Variants in UST observed in about 807,000 individuals in gnomAD.
UST encodes chondroitin sulfate 2-O-sulfotransferase.
UST carries 21 observed loss-of-function variants against 45.6 expected under a neutral mutation model. That is an observed-to-expected ratio of 0.46 (90% CI 0.33 to 0.66). UST has a LOEUF of 0.66. Among genes scored for constraint, UST ranks in the 30% least tolerant of loss-of-function variants. UST has a pLI of 0.02. For missense variants in UST, 463 were observed against 512.4 expected (o/e 0.90, Z 0.93); for synonymous variants, 215 against 200.6 (o/e 1.07, Z -0.61).
intron 1 of UST, among the ~76,000 whole-genome samples, chr6:148,776,883 T>G (rs1776545035): frequency 6.6e-6 from 1 of 152,192 alleles, no homozygotes; most frequent in Admixed American, 6.5e-5. Flanking sequence ...TACCTGGCCT[T>G]GGTCTGTCCT....
intron 1 of UST, among the ~76,000 whole-genome samples, chr6:148,755,346 ATT>A (rs1466931197): frequency 6.6e-6 from 1 of 152,204 alleles, no homozygotes; most frequent in East Asian, 1.9e-4. Context: ...AAGAAGAAAT[ATT>A]GTTTTTACAA....
chr6:148,824,831 C>T (rs1777538934), intron 1 of UST, among the ~76,000 whole-genome samples: 1 of 117,824 alleles, frequency 8.5e-6, no homozygotes. Context: ...CCTCCCCCCT[C>T]CCCCGACCCC....
intron 1 of UST, among the ~76,000 whole-genome samples, chr6:148,816,408 G>T (rs1777356119): frequency 6.6e-6 from 1 of 152,170 alleles, no homozygotes; most frequent in Non-Finnish European, 1.5e-5. Context: ...GTTTGGGGAA[G>T]AATAATTAAA....
intron 5 of UST, among the ~76,000 whole-genome samples, chr6:148,995,407 C>T (rs549160052): frequency 6.6e-6 from 1 of 152,346 alleles, no homozygotes; most frequent in South Asian, 2.1e-4. Flanking sequence ...GCAGCTAGCA[C>T]AGAAGCAAGA....
At chr6:148,824,757 C>T (rs1313344003) in intron 1 of UST, among the ~76,000 whole-genome samples, 4 of 143,560 alleles carry the variant, frequency 2.8e-5, no homozygotes, top group African/African-American at 1.0e-4. Flanking sequence ...TATACATGTG[C>T]CATGCTGGTG....
chr6:148,821,664 G>A (rs1011663024), intron 1 of UST, among the ~76,000 whole-genome samples: 7 of 152,100 alleles, frequency 4.6e-5, no homozygotes, highest in African/African-American at 1.2e-4. Flanking sequence ...GATGATTCTC[G>A]TCAGAATCAA....
At chr6:148,826,114 T>C (rs1327555098) in intron 1 of UST, among the ~76,000 whole-genome samples, 1 of 152,190 alleles carries the variant, frequency 6.6e-6, no homozygotes. Context: ...AAGAGCATCC[T>C]GTTTTGTTTT....
intron 1 of UST, among the ~76,000 whole-genome samples, chr6:148,757,114 C>T (rs185399587): frequency 6.6e-6 from 1 of 152,342 alleles, no homozygotes; most frequent in Admixed American, 6.5e-5. Flanking sequence ...CCTCCCACCT[C>T]AGCTTCTTGA....
At chr6:148,907,846 A>G (rs1300589910) in intron 2 of UST, among the ~76,000 whole-genome samples, 1 of 145,870 alleles carries the variant, frequency 6.9e-6, no homozygotes, top group African/African-American at 2.5e-5. Flanking sequence ...GCTAATTTTT[A>G]TAGATATTAT....
At chr6:149,048,976 GC>G (rs2115035312) in intron 7 of UST, among the ~76,000 whole-genome samples, 1 of 152,286 alleles carries the variant, frequency 6.6e-6, no homozygotes, top group South Asian at 2.1e-4. Context: ...CATCTTAAAA[GC>G]CTTCAAAATG....
chr6:148,902,127 A>G (rs1193919005), intron 2 of UST, among the ~76,000 whole-genome samples: 3 of 152,168 alleles, frequency 2.0e-5, no homozygotes, highest in African/African-American at 7.2e-5. Context: ...CTAAAATTGT[A>G]TAATTCTGTG....
At chr6:148,785,012 C>T (rs150544220) in intron 1 of UST, among the ~76,000 whole-genome samples, 377 of 152,266 alleles carry the variant, frequency 2.5e-3, no homozygotes, top group South Asian at 5.6e-3. Context: ...GAGTTGCAAC[C>T]AGTCTGGGCA....
chr6:148,999,363 A>G (rs1464838690), intron 5 of UST, among the ~76,000 whole-genome samples: 1 of 152,242 alleles, frequency 6.6e-6, no homozygotes. Context: ...TAGAACACCT[A>G]TCTGGCACTG....
chr6:148,884,190 A>G (rs1322634660), intron 1 of UST, among the ~76,000 whole-genome samples: 2 of 151,974 alleles, frequency 1.3e-5, no homozygotes, highest in African/African-American at 4.8e-5. Context: ...GGGCTAATGT[A>G]CTAGTAATAG....
intron 7 of UST, among the ~76,000 whole-genome samples, chr6:149,070,969 T>C (rs1446623027): frequency 6.6e-6 from 1 of 152,170 alleles, no homozygotes; most frequent in East Asian, 1.9e-4. Flanking sequence ...GGTTTCACCA[T>C]GTTGGCCTGG....
chr6:149,030,261 A>G (rs1036323233), intron 7 of UST, among the ~76,000 whole-genome samples: 1 of 151,980 alleles, frequency 6.6e-6, no homozygotes, highest in African/African-American at 2.4e-5. Flanking sequence ...TTCCTCTAAA[A>G]CTCTTCTTTA....
At chr6:149,057,848 A>G (rs1776589666) in intron 7 of UST, among the ~76,000 whole-genome samples, 1 of 152,230 alleles carries the variant, frequency 6.6e-6, no homozygotes, top group Non-Finnish European at 1.5e-5. Flanking sequence ...GAAATGTACT[A>G]CTACAGTAAT....
intron 1 of UST, among the ~76,000 whole-genome samples, chr6:148,851,534 T>C (rs1778105972): frequency 6.6e-6 from 1 of 152,240 alleles, no homozygotes; most frequent in Non-Finnish European, 1.5e-5. Flanking sequence ...ACATATAATG[T>C]ATATCTCTAT....
At chr6:148,910,980 C>T (rs2114878507) in intron 2 of UST, among the ~76,000 whole-genome samples, 1 of 152,140 alleles carries the variant, frequency 6.6e-6, no homozygotes, top group East Asian at 1.9e-4. Context: ...GCGCTGTCCT[C>T]TGTCCAGGAT....
Sources: allele counts gnomAD v4.1 joint callset (sites outside exome capture counted in the v4.1 genomes callset), GRCh38; gene constraint gnomAD v4.1.1; transcripts MANE v1.5; gene names NCBI Gene and HGNC (gene_info 2026-07-23, HGNC 2026-07-21).